GSAP: variants seen among roughly 807,000 people sequenced by gnomAD.
GSAP encodes gamma-secretase-activating protein.
Under a neutral mutation model 131.7 loss-of-function variants are expected in GSAP, and 118 were observed. That is an observed-to-expected ratio of 0.90 (90% CI 0.77 to 1.04). GSAP has a LOEUF of 1.04. GSAP is among the 50% of genes least tolerant of loss of function. The pLI, the probability that GSAP is intolerant of heterozygous loss-of-function variation, is 0.00. For missense variants in GSAP, 1,019 were observed against 1,013.2 expected (o/e 1.01, Z -0.08); for synonymous variants, 381 against 363.4 (o/e 1.05, Z -0.55).
chr7:77,416,588 C>T (rs532719920), upstream of GSAP: 5 of 328,286 alleles, frequency 1.5e-5, no homozygotes, highest in South Asian at 5.2e-4. Context: ...CCAGGCCCGC[C>T]GGGGCGGGAG....
chr7:77,399,172 T>C (rs1031183050), intron 3 of GSAP, among the ~76,000 whole-genome samples: 4 of 152,190 alleles, frequency 2.6e-5, no homozygotes, highest in Admixed American at 1.3e-4. Context: ...GGTCAATAGG[T>C]GTGCAAGTAT....
intron 18 of GSAP, 84 bp from the exon 19 acceptor site, chr7:77,349,488 CAG>C: frequency 8.6e-7 from 1 of 1,163,738 alleles, no homozygotes; most frequent in East Asian, 2.4e-5. Flanking sequence ...GTTTTCTGCA[CAG>C]ACAGAAGCTG....
chr7:77,311,891 G>C lies in GSAP; in HGVS notation c.2423C>G (p.Pro808Arg), dbSNP rs768145583. The C allele has an allele frequency of 3.1e-6, 5 of 1,604,390 alleles. No homozygotes were observed. Among genetic ancestry groups the C allele is most frequent in the Non-Finnish European group, 4.3e-6 (5 of 1,171,222 alleles). Reference protein sequence around the residue: ...NKSSFSVEFLPLNYFIEILTD... With the variant: ...NKSSFSVEFLRLNYFIEILTD... ...CAGAATTTCAATGAAGTAGTTCAGA[G>C]GCAGAAATTCTACACTGAACGATGA... The change falls in exon 30 of 31, where the codon CCT becomes CGT. Residue 808 changes from proline to arginine, a missense_variant. Pro to Arg is a moderately radical substitution (Grantham distance 103). Coordinates refer to ENST00000257626, the MANE Select transcript of GSAP (RefSeq NM_017439.4).
chr7:77,404,582 CAT>C lies in GSAP; in HGVS notation c.218_219del (p.Tyr73Ter), dbSNP rs781354626. On this transcript the variant is annotated frameshift_variant, in exon 3 of 31. Coordinates refer to ENST00000257626, the MANE Select transcript of GSAP (RefSeq NM_017439.4). LOFTEE classifies it high-confidence loss of function. ...ACCTCATTTTGTCTGGTTTGACAAT[CAT>C]ATAATCCAAAGACGACATTTCCCTT... ...DDKGNVVFGLYDCQTRQNELL... is the reference protein window; with the variant it reads ...DDKGNVVFGLXDCQTRQNELL... 16 of 1,557,822 alleles carry C rather than the reference CAT, an allele frequency of 1.0e-5. No homozygotes were observed. The African/African-American group carries it at 1.6e-4, about 16-fold the overall frequency.
chr7:77,314,305 C>A, intron 27 of GSAP, 65 bp downstream of exon 27: 1 of 1,594,486 alleles, frequency 6.3e-7, no homozygotes, highest in Non-Finnish European at 8.6e-7. Context: ...GTTGCACACC[C>A]AAGAAGCTAG....
intron 6 of GSAP, among the ~76,000 whole-genome samples, chr7:77,384,378 A>G (rs772212235): frequency 1.4e-4 from 21 of 152,124 alleles, no homozygotes; most frequent in Non-Finnish European, 2.8e-4. Flanking sequence ...TTTTCTTTCT[A>G]TTATAAGGTG....
intron 12 of GSAP, among the ~76,000 whole-genome samples, chr7:77,371,108 C>A (rs956662164): frequency 1.3e-5 from 2 of 152,130 alleles, no homozygotes; most frequent in South Asian, 4.1e-4. Flanking sequence ...CCAGTCTTGA[C>A]CCCTCTTCTA....
chr7:77,386,657 G>A (rs895611323), intron 6 of GSAP, among the ~76,000 whole-genome samples: 3 of 152,138 alleles, frequency 2.0e-5, no homozygotes, highest in Non-Finnish European at 2.9e-5. Context: ...GTGCCTCAGC[G>A]CTATTCCTGG....
rs759604692 is a variant in GSAP, at chr7:77,397,410, T to C, written c.249A>G (p.Leu83=). 55 of 1,557,898 alleles carry C rather than the reference T, an allele frequency of 3.5e-5. No homozygotes were observed. The highest frequency in any genetic ancestry group is 3.4e-4 in the Middle Eastern group (2 of 5,904). The part of the protein sequence containing the change: ...YDCQTRQNEL[L]YTFEKDLQVF... ...CTTGCAAGTCTTTCTCAAAGGTATA[T>C]AGAAGCTATTAAAACAAAAATATTT... The change falls in exon 4 of 31, where the codon CTA becomes CTG. Residue 83 remains leucine (L), a synonymous_variant. Coordinates refer to ENST00000257626, the MANE Select transcript of GSAP (RefSeq NM_017439.4).
intron 2 of GSAP, among the ~76,000 whole-genome samples, chr7:77,404,992 C>A (rs1223943607): frequency 6.6e-6 from 1 of 152,176 alleles, no homozygotes; most frequent in Non-Finnish European, 1.5e-5. Context: ...CTTAAAGGTA[C>A]CATTCTAAGA....
chr7:77,355,988 C>T (rs1793661816), intron 14 of GSAP, among the ~76,000 whole-genome samples: 1 of 150,414 alleles, frequency 6.6e-6, no homozygotes, highest in Non-Finnish European at 1.5e-5. Context: ...GATGGAGTCT[C>T]ACCATGTTGC....
intron 8 of GSAP, among the ~76,000 whole-genome samples, chr7:77,379,184 C>G (rs569577027): frequency 6.6e-6 from 1 of 151,974 alleles, no homozygotes; most frequent in African/African-American, 2.4e-5. Flanking sequence ...TATGTACTAA[C>G]AAGAAAATGA....
chr7:77,340,722 C>T (rs992473566), intron 19 of GSAP, among the ~76,000 whole-genome samples: 1 of 152,196 alleles, frequency 6.6e-6, no homozygotes, highest in East Asian at 1.9e-4. Flanking sequence ...TGATTATTCA[C>T]CCACACTCCA....
At chr7:77,328,512 G>C (rs1788637294) in intron 22 of GSAP, 94 bp downstream of exon 22, 18 of 1,533,682 alleles carry the variant, frequency 1.2e-5, no homozygotes, top group Non-Finnish European at 1.6e-5. Context: ...TACTGGAAGT[G>C]ATTCTCTTGC....
chr7:77,365,844 C>G (rs1053396610), intron 12 of GSAP, among the ~76,000 whole-genome samples: 4 of 150,986 alleles, frequency 2.6e-5, no homozygotes, highest in Non-Finnish European at 4.4e-5. Context: ...CTTACACTCT[C>G]ATCAACAGTG....
intron 5 of GSAP, among the ~76,000 whole-genome samples, chr7:77,393,173 C>A (rs1799848686): frequency 6.6e-6 from 1 of 152,094 alleles, no homozygotes; most frequent in South Asian, 2.1e-4. Context: ...TTATTTTAAG[C>A]AACAGTGTTA....
At chr7:77,379,245 A>AG (rs1797434788) in intron 8 of GSAP, among the ~76,000 whole-genome samples, 1 of 152,008 alleles carries the variant, frequency 6.6e-6, no homozygotes. Flanking sequence ...GTTCCTCTCT[A>AG]GATCGAGTCA....
intron 12 of GSAP, among the ~76,000 whole-genome samples, chr7:77,368,674 A>AAC (rs1795680293): frequency 6.6e-6 from 1 of 152,242 alleles, no homozygotes. Flanking sequence ...TACTAAGTCT[A>AAC]TTGCCTCAGG....
intron 8 of GSAP, among the ~76,000 whole-genome samples, chr7:77,379,406 T>C (rs1025280293): frequency 6.6e-6 from 1 of 151,806 alleles, no homozygotes; most frequent in Non-Finnish European, 1.5e-5. Context: ...ATTATACTTA[T>C]GCTGTGTGAA....
Sources: allele counts gnomAD v4.1 joint callset (sites outside exome capture counted in the v4.1 genomes callset), GRCh38; gene constraint gnomAD v4.1.1; transcripts MANE v1.5; gene names NCBI Gene and HGNC (gene_info 2026-07-23, HGNC 2026-07-21).